Variants in PRPF40B observed in about 807,000 individuals in gnomAD.
The protein encoded by PRPF40B is pre-mRNA processing factor 40B, also known as pre-mRNA-processing factor 40 homolog B.
Under a neutral mutation model 124.5 loss-of-function variants are expected in PRPF40B, and 56 were observed. The ratio of observed to expected loss-of-function variants is 0.45; its 90% confidence interval spans 0.36 to 0.56. PRPF40B has a LOEUF of 0.56. Among genes scored for constraint, PRPF40B ranks in the 20% least tolerant of loss-of-function variants. The pLI, the probability that PRPF40B is intolerant of heterozygous loss-of-function variation, is 0.00. For synonymous variants in PRPF40B, 443 were observed against 426.4 expected (o/e 1.04, Z -0.48); for missense variants, 1,053 against 1,169.5 (o/e 0.90, Z 1.45).
At position 49,635,270 on chromosome 12, in the gene PRPF40B, G is replaced by C. The variant is rs750466783; in HGVS notation, c.1166+7G>C. ...CCTCCACCACCCGCTACCGGTCAGGGGGCCAGGCTGGGCTGGGACTTGGGA... is the reference window on the plus strand; with the variant it reads ...CCTCCACCACCCGCTACCGGTCAGGCGGCCAGGCTGGGCTGGGACTTGGGA... On this transcript the variant is annotated splice_region_variant and intron_variant, in intron 13 of 25. Coordinates refer to ENST00000548825, the MANE Select transcript of PRPF40B (RefSeq NM_001031698.3). The surrounding 1 kb of genome is among the most constrained non-coding windows in gnomAD (Gnocchi z 4.1). 3.7e-6 allele frequency: 6 copies of C among 1,611,768 alleles called. No individual in the cohort carries two copies. The East Asian group carries it at 1.3e-4, about 36-fold the overall frequency.
intron 18 of PRPF40B, chr12:49,639,902 G>A (rs181876187): frequency 1.7e-4 from 26 of 152,288 alleles, no homozygotes; most frequent in Admixed American, 5.2e-4. Flanking sequence ...CAGAATAATC[G>A]TATAAAGTAG....
intron 12 of PRPF40B, 68 bp downstream of exon 12, chr12:49,634,670 C>A: frequency 6.3e-7 from 1 of 1,589,474 alleles, no homozygotes; most frequent in Non-Finnish European, 8.6e-7. Context: ...CCCTAAAAAA[C>A]CCCAGCTCAA....
chr12:49,644,516 G>A lies in PRPF40B; in HGVS notation c.*324G>A, dbSNP rs966481924. The A allele has an allele frequency of 8.4e-6, 3 of 356,976 alleles. No homozygotes were observed. The highest frequency in any genetic ancestry group is 7.8e-5 in the Admixed American group (2 of 25,576). The allele number at this position is 356,976 out of a possible 1,614,324, so 22.1% of individuals were successfully genotyped here. On this transcript the variant is annotated 3_prime_UTR_variant, in exon 26 of 26. Transcript: ENST00000548825. ...AGTCACAGGCTGTTGGACGCAGCCT[G>A]GGTGGCAGAGGGCAGGGTCATCACC...
Position 49,643,959 on chromosome 12 carries a change from A to G in PRPF40B, c.2541A>G (p.Ala847=). Residue 847 remains alanine, a synonymous_variant, in exon 25 of 26, where the codon GCA becomes GCG. Transcript: ENST00000548825. ...EQDKDRELQQ[A]ELPNRSPGFG... ...ACAAGGACAGGGAGCTCCAACAGGC[A>G]GAGCTCCCTAACCGTTCCCCAGGCT... The G allele has an allele frequency of 6.2e-7, 1 of 1,614,226 alleles. No individual in the cohort carries two copies. The highest frequency in any genetic ancestry group is 8.5e-7 in the Non-Finnish European group (1 of 1,180,036).
At position 49,634,660 on chromosome 12, in the gene PRPF40B, C is replaced by G. The variant is rs1941572746; in HGVS notation, c.1001+58C>G. 3.1e-6 allele frequency: 5 copies of G among 1,598,580 alleles called. No homozygotes were observed. The South Asian group carries it at 5.5e-5, about 18-fold the overall frequency. ...CATGAGAGCAGCTGTGCTAGGGACT[C>G]CCTAAAAAACCCCAGCTCAACACTC... On this transcript the variant is annotated intron_variant, in intron 12 of 25. Coordinates refer to ENST00000548825, the MANE Select transcript of PRPF40B (RefSeq NM_001031698.3).
intron 16 of PRPF40B, 35 bp from the exon 17 acceptor site, chr12:49,637,435 C>T (rs1941984138): frequency 4.7e-6 from 7 of 1,483,886 alleles, no homozygotes; most frequent in Non-Finnish European, 6.6e-6. Context: ...GCCTCCCTGT[C>T]TCACTCTCCC....
intron 18 of PRPF40B, chr12:49,638,609 A>G (rs1018792016): frequency 6.6e-6 from 1 of 152,216 alleles, no homozygotes. Context: ...GTTCCAAAAG[A>G]AAAAAACAAA....
upstream of PRPF40B, among the ~76,000 whole-genome samples, chr12:49,623,043 G>A (rs1387432532): frequency 6.6e-6 from 1 of 151,382 alleles, no homozygotes; most frequent in African/African-American, 2.4e-5. Flanking sequence ...GCGTGATTTC[G>A]GGGATTTGTC....
rs1942048276 is a variant in PRPF40B, at chr12:49,637,736, C to G, written c.1679C>G (p.Ser560Cys). 1 of 1,593,394 alleles carries G rather than the reference C, an allele frequency of 6.3e-7. No homozygotes were observed. The highest frequency in any genetic ancestry group is 1.3e-5 in the African/African-American group (1 of 74,274). The change falls in exon 18 of 26, where the codon TCC becomes TGC. Residue 560 changes from serine to cysteine, a missense_variant. Ser to Cys is a moderately radical substitution (Grantham distance 112). Coordinates refer to ENST00000548825, the MANE Select transcript of PRPF40B (RefSeq NM_001031698.3). ...CCCCCTCCCTCCCTCCTTACAGGCT[C>G]CACCCCTCTGGACTTATTCAAGTTC... ...RFANMLGQPG[S>C]TPLDLFKFYV...
rs1283408855 is a variant in PRPF40B at position 49,643,935 on chromosome 12, C to T, written c.2517C>T (p.Asp839=). 1 of 1,614,168 alleles carries T rather than the reference C, an allele frequency of 6.2e-7. No individual in the cohort carries two copies. Among genetic ancestry groups the T allele is most frequent in the South Asian group, 1.1e-5 (1 of 91,078 alleles). Residue 839 remains aspartate, a synonymous_variant, in exon 25 of 26, where the codon GAC becomes GAT. Coordinates refer to ENST00000548825, the MANE Select transcript of PRPF40B (RefSeq NM_001031698.3). ...GCGATGAGAAAGAACAAGAACAGGA[C>T]AAGGACAGGGAGCTCCAACAGGCAG... The part of the protein sequence containing the change: ...KESDEKEQEQ[D]KDRELQQAEL...
intron 4 of PRPF40B, 27 bp from the exon 5 acceptor site, chr12:49,632,569 C>T (rs1555208762): frequency 1.2e-6 from 2 of 1,612,570 alleles, no homozygotes; most frequent in Non-Finnish European, 1.7e-6. Context: ...TTGGCCCCAA[C>T]CCTTCCCCCT....
At chr12:49,641,426 G>T (rs939473763) in intron 18 of PRPF40B, 1 of 153,434 alleles carries the variant, frequency 6.5e-6, no homozygotes, top group African/African-American at 2.4e-5. Flanking sequence ...GTAAAATTAG[G>T]ATACTAGGAC....
chr12:49,638,136 T>C (rs1592604003), intron 18 of PRPF40B: 1 of 320,162 alleles, frequency 3.1e-6, no homozygotes, highest in Non-Finnish European at 5.9e-6. Flanking sequence ...GAGGTTGGAG[T>C]GTACACGGGG....
At chr12:49,634,223 A>C in intron 10 of PRPF40B, 109 bp from the exon 11 acceptor site, 1 of 1,589,210 alleles carries the variant, frequency 6.3e-7, no homozygotes, top group Non-Finnish European at 8.6e-7. Flanking sequence ...AAGGGCAGAA[A>C]AAGGCTGCCC....
intron 16 of PRPF40B, 198 bp downstream of exon 16, chr12:49,637,047 A>G: frequency 1.3e-6 from 1 of 798,524 alleles, no homozygotes; most frequent in Non-Finnish European, 1.9e-6. Context: ...TTCTAGGGAG[A>G]CTAGATGTAT....
intron 4 of PRPF40B, chr12:49,632,170 A>G (rs927012145): frequency 5.8e-5 from 35 of 603,892 alleles, no homozygotes; most frequent in Non-Finnish European, 9.5e-5. Context: ...TCCCTTAAGG[A>G]GCACACTTAT....
chr12:49,633,236 C>G, intron 7 of PRPF40B, 112 bp downstream of exon 7: 2 of 1,262,036 alleles, frequency 1.6e-6, no homozygotes, highest in Non-Finnish European at 2.2e-6. Context: ...ATCCCAAGGT[C>G]CCTGACCATT....
At chr12:49,625,304 C>A (rs80166835) in intron 1 of PRPF40B, among the ~76,000 whole-genome samples, 1 of 152,204 alleles carries the variant, frequency 6.6e-6, no homozygotes, top group African/African-American at 2.4e-5. Context: ...TGCTTGGATT[C>A]CAAACCTGCC....
chr12:49,642,772 A>G lies in PRPF40B; in HGVS notation c.2118+97A>G, dbSNP rs1942848143. ...GTGGCCTCCCTCTTACCCTTAGGGC[A>G]CTCCTGGCCAGCTAAGGAAGGGGAG... On this transcript the variant is annotated intron_variant, in intron 21 of 25. Coordinates refer to ENST00000548825, the MANE Select transcript of PRPF40B (RefSeq NM_001031698.3). The surrounding 1 kb of genome is among the most constrained non-coding windows in gnomAD (Gnocchi z 5.8). 1.5e-5 allele frequency: 22 copies of G among 1,443,944 alleles called. No individual in the cohort carries two copies. Among genetic ancestry groups the G allele is most frequent in the Non-Finnish European group, 2.0e-5 (21 of 1,050,078 alleles). The allele number at this position is 1,443,944 out of a possible 1,614,324, so 89.4% of individuals were successfully genotyped here.
Sources: gnomAD v4.1 joint callset for allele counts (sites outside exome capture counted in the v4.1 genomes callset) on GRCh38, gnomAD v4.1.1 for gene constraint, Gnocchi (gnomAD v3.1) non-coding constraint, MANE v1.5 for transcripts, NCBI Gene and HGNC (gene_info 2026-07-23, HGNC 2026-07-21) for gene names.